The following SLC6A2 variants were observed in gnomAD, a reference collection of about 807,000 sequenced individuals.
SLC6A2 encodes the protein sodium-dependent noradrenaline transporter.
SLC6A2 carries 26 observed loss-of-function variants against 71.7 expected under a neutral mutation model. The observed-to-expected ratio is 0.36, with a 90% CI of 0.27 to 0.50. The LOEUF (loss-of-function observed/expected upper bound fraction) is 0.50. SLC6A2 is among the 20% of genes least tolerant of loss of function. The pLI, the probability that SLC6A2 is intolerant of heterozygous loss-of-function variation, is 0.96. For synonymous variants in SLC6A2, 363 were observed against 337.9 expected, an observed-to-expected ratio of 1.07 and a Z score of -0.82; for missense variants, 581 against 803.9, an observed-to-expected ratio of 0.72 and a Z score of 3.35.
chr16:55,674,973 T>C (rs1198116808), intron 4 of SLC6A2, among the ~76,000 whole-genome samples: 1 of 152,216 alleles, frequency 6.6e-6, no homozygotes, highest in Non-Finnish European at 1.5e-5. Flanking sequence ...CCACCAACAG[T>C]GTATAAGCAT....
chr16:55,669,419 G>A, intron 2 of SLC6A2, 146 bp from the exon 3 acceptor site: 3 of 734,628 alleles, frequency 4.1e-6, no homozygotes, highest in Non-Finnish European at 7.2e-6. Context: ...TTACTCTTAT[G>A]ATAATTAGTA....
At chr16:55,681,483 T>C (rs28439742) in intron 4 of SLC6A2, among the ~76,000 whole-genome samples, 13,675 of 152,314 alleles carry the variant, frequency 0.09, 703 homozygotes, top group Middle Eastern at 0.15. Flanking sequence ...GCCAGGTCTG[T>C]CTGACCCCAG....
intron 2 of SLC6A2, among the ~76,000 whole-genome samples, chr16:55,657,190 C>G (rs1596936710): frequency 6.6e-6 from 1 of 152,032 alleles, no homozygotes; most frequent in South Asian, 2.1e-4. Flanking sequence ...CTCATTCCAG[C>G]GGAAGTGTCA....
At chr16:55,658,445 G>A (rs1443737991) in intron 2 of SLC6A2, among the ~76,000 whole-genome samples, 1 of 152,070 alleles carries the variant, frequency 6.6e-6, no homozygotes, top group Admixed American at 6.6e-5. Flanking sequence ...CCCGGGATGT[G>A]GAGGTTGCAG....
chr16:55,689,573 C>T (rs1384938506), intron 5 of SLC6A2, among the ~76,000 whole-genome samples: 1 of 152,222 alleles, frequency 6.6e-6, no homozygotes, highest in East Asian at 1.9e-4. Flanking sequence ...AGCAGGGCTG[C>T]AGCTATTGAC....
At position 55,669,550 on chromosome 16, in the gene SLC6A2, C is replaced by T. The variant is rs886052132; in HGVS notation, c.275-15C>T. On this transcript the variant is annotated splice_polypyrimidine_tract_variant and intron_variant, in intron 2 of 14. Transcript: ENST00000568943. The stretch of plus-strand genomic sequence containing the variant: ...AGGGGTCTGTCAGGTCACACTCTGC[C>T]CCTGTGTCCTCCAGGTGCCTTCTTG... 8 of 1,613,618 alleles carry T rather than the reference C, an allele frequency of 5.0e-6. No homozygotes were observed. Among genetic ancestry groups the T allele is most frequent in the Non-Finnish European group, 6.8e-6 (8 of 1,179,794 alleles).
rs1966030192 is a variant in SLC6A2 at position 55,703,323 on chromosome 16, GTTAAT to G, written c.*981_*985del. On this transcript the variant is annotated 3_prime_UTR_variant, in exon 15 of 15. Coordinates refer to ENST00000568943, the MANE Select transcript of SLC6A2 (RefSeq NM_001172501.3). ...CAAAGGGAGCCTGACAGGCTGTTGT[GTTAAT>G]TTATTGTTCTTGCACACCTGCACAG... 1 of 985,388 alleles carries G rather than the reference GTTAAT, an allele frequency of 1.0e-6. No homozygotes were observed. The highest frequency in any genetic ancestry group is 1.2e-6 in the Non-Finnish European group (1 of 829,974). 61.0% of individuals were successfully genotyped at this position (985,388 alleles called of 1,614,324 possible).
intron 9 of SLC6A2, among the ~76,000 whole-genome samples, chr16:55,697,017 A>G (rs542706125): frequency 1.3e-4 from 20 of 152,252 alleles, no homozygotes; most frequent in African/African-American, 3.9e-4. Context: ...ACAAACAAAA[A>G]CATTTTGAAC....
intron 4 of SLC6A2, among the ~76,000 whole-genome samples, chr16:55,674,383 T>C (rs1965016427): frequency 6.6e-6 from 1 of 152,182 alleles, no homozygotes; most frequent in Non-Finnish European, 1.5e-5. Flanking sequence ...TTTTTGTGGC[T>C]GCATATTATT....
At chr16:55,698,764 C>T (rs1400949241) in intron 11 of SLC6A2, among the ~76,000 whole-genome samples, 196 bp downstream of exon 11, 1 of 152,158 alleles carries the variant, frequency 6.6e-6, no homozygotes, top group African/African-American at 2.4e-5. Context: ...GCAAAGGCCC[C>T]TGGGCATCAA....
At chr16:55,688,679 T>A (rs558909834) in intron 5 of SLC6A2, among the ~76,000 whole-genome samples, 50 of 152,230 alleles carry the variant, frequency 3.3e-4, no homozygotes, top group African/African-American at 1.2e-3. Flanking sequence ...AGGTGAGAAT[T>A]TGCATTTCTG....
At chr16:55,682,543 AG>A (rs1965306785) in intron 4 of SLC6A2, among the ~76,000 whole-genome samples, 1 of 152,256 alleles carries the variant, frequency 6.6e-6, no homozygotes, top group South Asian at 2.1e-4. Flanking sequence ...ATGAGCTAAC[AG>A]GTCTAACTGC....
At position 55,703,178 on chromosome 16, in the gene SLC6A2, C is replaced by A. The variant is rs1966025659; in HGVS notation, c.*832C>A. ...CTCATGCTGCTCTTGCTCTGTAAGA[C>A]ACGGAGCCCAGAAACCCATCTGCAC... is the stretch of plus-strand genomic sequence containing the variant. On this transcript the variant is annotated 3_prime_UTR_variant, in exon 15 of 15. Coordinates refer to ENST00000568943, the MANE Select transcript of SLC6A2 (RefSeq NM_001172501.3). The A allele has an allele frequency of 2.0e-6, 2 of 985,378 alleles. No homozygotes were observed. Among genetic ancestry groups the A allele is most frequent in the Non-Finnish European group, 2.4e-6 (2 of 829,886 alleles). 61.0% of individuals were successfully genotyped at this position (985,378 alleles called of 1,614,324 possible).
At chr16:55,667,742 G>A (rs750177063) in intron 2 of SLC6A2, among the ~76,000 whole-genome samples, 1 of 152,150 alleles carries the variant, frequency 6.6e-6, no homozygotes, top group Non-Finnish European at 1.5e-5. Context: ...TGGCTTAGCT[G>A]GTCCCAGATC....
At chr16:55,662,088 G>A (rs1466396422) in intron 2 of SLC6A2, among the ~76,000 whole-genome samples, 1 of 152,198 alleles carries the variant, frequency 6.6e-6, no homozygotes, top group Non-Finnish European at 1.5e-5. Flanking sequence ...TACATCCCTT[G>A]GCAGAAATGT....
rs1007115309 is a variant in SLC6A2 at position 55,703,081 on chromosome 16, G to A, written c.*735G>A. The A allele has an allele frequency of 7.1e-6, 7 of 986,152 alleles. No homozygotes were observed. Among genetic ancestry groups the A allele is most frequent in the Non-Finnish European group, 8.4e-6 (7 of 830,588 alleles). 61.1% of individuals were successfully genotyped at this position (986,152 alleles called of 1,614,324 possible). ...AGGAAGAGGGTAAATGAACCACAGT[G>A]AGCAGGTTCTAGGAGGTACCTGCAT... On this transcript the variant is annotated 3_prime_UTR_variant, in exon 15 of 15. Transcript: ENST00000568943.
rs752623661 is a variant in SLC6A2 at position 55,656,765 on chromosome 16, C to T, written c.71C>T (p.Pro24Leu). ...GGGGCGGACACGGGTCCAGAGCAGC[C>T]CCTTCGGGCGCGCAAAACTGCGGAG... ...NNGADTGPEQ[P>L]LRARKTAELL... is the part of the protein sequence containing the mutation. The change falls in exon 2 of 15, where the codon CCC becomes CTC. Residue 24 changes from proline to leucine, a missense_variant. Around this residue, in one of 5 missense-constraint regions of SLC6A2, gnomAD observed 76 missense variants for 79.9 expected, o/e 0.95. Transcript: ENST00000568943. This position sits in a 1 kb window ranked among gnomAD's most constrained non-coding sequence, Gnocchi z 4.5. The T allele has an allele frequency of 1.2e-6, 2 of 1,613,270 alleles. No homozygotes were observed. The highest frequency in any genetic ancestry group is 1.3e-5 in the African/African-American group (1 of 75,030).
rs755982579 is a variant in SLC6A2 at position 55,699,610 on chromosome 16, T to C, written c.1546T>C (p.Tyr516His). Residue 516 changes from tyrosine (Y) to histidine (H), a missense_variant, in exon 12 of 15, where the codon TAC (tyrosine) becomes CAC (histidine). By Grantham distance (83) the Tyr-to-His change is moderately conservative (BLOSUM62 2). This residue lies in a region of SLC6A2 where 334 missense variants were observed against 449.0 expected (regional missense o/e 0.74). Transcript: ENST00000568943. ...GATGATGGGGTTCAGGCCGGGTCTA[T>C]ACTGGAGACTGTGCTGGAAGTTCGT... ...QQMMGFRPGL[Y>H]WRLCWKFVSP... is the part of the protein sequence containing the mutation. 2.3e-5 allele frequency: 37 copies of C among 1,614,044 alleles called. No individual in the cohort carries two copies. The highest frequency in any genetic ancestry group is 3.1e-5 in the Non-Finnish European group (36 of 1,180,004).
Position 55,656,472 on chromosome 16 carries a change from G to C in SLC6A2, c.-51-172G>C. 1.6e-6 allele frequency: 1 copy of C among 608,886 alleles called. No homozygotes were observed. Among genetic ancestry groups the C allele is most frequent in the East Asian group, 2.8e-5 (1 of 35,974 alleles). 37.7% of individuals were successfully genotyped at this position (608,886 alleles called of 1,614,324 possible). ...GTCTCCAACTCTTGAGTTCCGGCGT[G>C]CCCCAACCTCTGTTTCCAAATTTTT... On this transcript the variant is annotated intron_variant, in intron 1 of 14. Transcript: ENST00000568943. This position sits in a 1 kb window ranked among gnomAD's most constrained non-coding sequence, Gnocchi z 4.5.
Sources: allele counts gnomAD v4.1 joint callset (sites outside exome capture counted in the v4.1 genomes callset), GRCh38; gene constraint gnomAD v4.1.1; regional missense constraint gnomAD v4.1.1; non-coding constraint Gnocchi (gnomAD v3.1); transcripts MANE v1.5; gene names NCBI Gene and HGNC (gene_info 2026-07-23, HGNC 2026-07-21).